Variants in NF1 observed in about 807,000 individuals in gnomAD.
NF1 encodes neurofibromin.
In NF1, 122 loss-of-function variants were observed where a neutral mutation model predicts 325.7. The observed-to-expected ratio is 0.37, with a 90% CI of 0.32 to 0.44. The LOEUF is 0.44. NF1 is among the 20% of genes least tolerant of loss of function. The pLI is 1.00. For synonymous variants in NF1, 1,091 were observed against 1,186.0 expected (o/e 0.92, Z 1.65); for missense variants, 2,140 against 3,415.4 (o/e 0.63, Z 9.31).
chr17:31,261,888 T>C (rs1193866268), intron 35 of NF1, 31 bp downstream of exon 35: 3 of 1,611,628 alleles, frequency 1.9e-6, no homozygotes, highest in Non-Finnish European at 2.5e-6. Flanking sequence ...AGTTGATTGC[T>C]TTCTTTTTGG....
intron 5 of NF1, among the ~76,000 whole-genome samples, chr17:31,170,731 G>T (rs1382703946): frequency 6.6e-6 from 1 of 152,178 alleles, no homozygotes; most frequent in Non-Finnish European, 1.5e-5. Context: ...AACTGAGTAT[G>T]ATCTGAAGGA....
chr17:31,335,091 C>A (rs2151550973), intron 40 of NF1, 60 bp downstream of exon 40: 1 of 1,415,550 alleles, frequency 7.1e-7, no homozygotes. Flanking sequence ...TTATCTGGTG[C>A]CACATTGGGC....
At chr17:31,144,581 A>G (rs554023762) in intron 1 of NF1, among the ~76,000 whole-genome samples, 51 of 152,308 alleles carry the variant, frequency 3.3e-4, no homozygotes, top group Non-Finnish European at 6.3e-4. Context: ...TGGCTTCTTC[A>G]GTCACATGTC....
intron 39 of NF1, chr17:31,331,723 T>C (rs981370855): frequency 6.6e-6 from 1 of 151,394 alleles, no homozygotes; most frequent in African/African-American, 2.4e-5. Context: ...GTTCTGCCTG[T>C]ATTTAAGAGT....
intron 1 of NF1, among the ~76,000 whole-genome samples, chr17:31,100,079 G>A (rs1702976582): frequency 4.0e-5 from 6 of 149,794 alleles, no homozygotes; most frequent in Admixed American, 4.0e-4. Context: ...TTCATTTAAA[G>A]CAATTATATT....
chr17:31,333,231 A>G (rs559755101), intron 39 of NF1, among the ~76,000 whole-genome samples: 265 of 152,354 alleles, frequency 1.7e-3, no homozygotes, highest in African/African-American at 6.2e-3. Flanking sequence ...GGAAGTGGAT[A>G]ACAAGACCTT....
At chr17:31,326,726 G>A (rs765597010) in intron 37 of NF1, among the ~76,000 whole-genome samples, 1 of 152,128 alleles carries the variant, frequency 6.6e-6, no homozygotes, top group Non-Finnish European at 1.5e-5. Context: ...GAGGATATGA[G>A]ACGTATACAT....
rs142939880 is a variant in NF1, at chr17:31,166,140, T to C, written c.479+2764T>C. 6.7e-3 allele frequency among the ~76,000 whole-genome samples: 1,026 copies of C among 152,310 alleles called. 16 individuals carry two copies. Among genetic ancestry groups the C allele is most frequent in the African/African-American group, 0.023 (962 of 41,570 alleles). ...TAGTTGTTTTGTAGTGAGAAGGTGC[T>C]TCAGAATATCTCATTTGATATACCA... On this transcript the variant is annotated intron_variant, in intron 4 of 57. Transcript: ENST00000358273.
chr17:31,278,493 C>CTT (rs200450821), intron 36 of NF1, among the ~76,000 whole-genome samples: 4 of 15,298 alleles, frequency 2.6e-4, no homozygotes, highest in African/African-American at 5.4e-4. Flanking sequence ...GTAATTGAAG[C>CTT]TTTTTTTTTT....
rs779945790 is a variant in NF1 at position 31,334,824 on chromosome 17, G to A, written c.5813-14G>A. ...TCATTGACCATCACATGCTAATAGT[G>A]TATTTTTTTCCAGGTATTGAATTGA... On this transcript the variant is annotated splice_polypyrimidine_tract_variant and intron_variant, in intron 39 of 57. Transcript: ENST00000358273. The A allele has an allele frequency of 6.3e-7, 1 of 1,599,756 alleles. No individual in the cohort carries two copies. Among genetic ancestry groups the A allele is most frequent in the Non-Finnish European group, 8.6e-7 (1 of 1,167,166 alleles).
intron 9 of NF1, 87 bp from the exon 10 acceptor site, chr17:31,200,950 G>A (rs542698542): frequency 1.8e-5 from 29 of 1,570,152 alleles, no homozygotes; most frequent in Non-Finnish European, 2.4e-5. Flanking sequence ...CCATTTGTGT[G>A]GGTAATGTGT....
chr17:31,095,457 C>A, intron 1 of NF1, 88 bp downstream of exon 1: 4 of 1,290,616 alleles, frequency 3.1e-6, no homozygotes, highest in Non-Finnish European at 4.2e-6. Context: ...CCGCCTCCCC[C>A]GCGGCTGCCT....
chr17:31,155,951 G>C, intron 1 of NF1, 32 bp from the exon 2 acceptor site: 1 of 1,602,792 alleles, frequency 6.2e-7, no homozygotes, highest in African/African-American at 1.3e-5. Context: ...AGGATAAGCT[G>C]TTAACGTGTT....
chr17:31,245,033 G>C (rs1008845990), intron 29 of NF1, among the ~76,000 whole-genome samples: 1 of 152,150 alleles, frequency 6.6e-6, no homozygotes, highest in Non-Finnish European at 1.5e-5. Flanking sequence ...ATTGGCATGT[G>C]GGAAGCAAGA....
chr17:31,337,039 A>G, intron 42 of NF1, 125 bp downstream of exon 42: 1 of 937,822 alleles, frequency 1.1e-6, no homozygotes, highest in South Asian at 1.5e-5. Context: ...AGCCTCCAGT[A>G]ATGACATGAA....
intron 1 of NF1, among the ~76,000 whole-genome samples, chr17:31,154,835 G>A (rs568912594): frequency 3.4e-5 from 5 of 149,060 alleles, no homozygotes; most frequent in African/African-American, 1.2e-4. Context: ...TGCCTCCTGG[G>A]TTCATGCCAT....
intron 5 of NF1, among the ~76,000 whole-genome samples, chr17:31,176,904 A>G (rs1161680279): frequency 6.6e-6 from 1 of 152,114 alleles, no homozygotes; most frequent in Non-Finnish European, 1.5e-5. Context: ...TGTTTTGGTT[A>G]CTGTAGCCTT....
intron 17 of NF1, among the ~76,000 whole-genome samples, chr17:31,226,045 T>C (rs2067006305): frequency 6.6e-6 from 1 of 152,186 alleles, no homozygotes; most frequent in Non-Finnish European, 1.5e-5. Flanking sequence ...TTCCTGTTAC[T>C]TCCTCTTTTT....
intron 36 of NF1, among the ~76,000 whole-genome samples, chr17:31,306,616 A>G (rs2068728055): frequency 6.6e-6 from 1 of 152,098 alleles, no homozygotes; most frequent in African/African-American, 2.4e-5. Context: ...GCCTTATGTT[A>G]ATATTGCATA....
Sources: allele counts gnomAD v4.1 joint callset (sites outside exome capture counted in the v4.1 genomes callset), GRCh38; gene constraint gnomAD v4.1.1; transcripts MANE v1.5; gene names NCBI Gene and HGNC (gene_info 2026-07-23, HGNC 2026-07-21).